The following AGAP1 variants were observed in gnomAD, a reference collection of about 807,000 sequenced individuals.
The protein encoded by AGAP1 is ArfGAP with GTPase domain, ankyrin repeat and PH domain 1.
AGAP1 carries 29 observed loss-of-function variants against 105.3 expected under a neutral mutation model. That is an observed-to-expected ratio of 0.28 (90% confidence interval 0.21 to 0.38). The LOEUF is 0.38. Among genes scored for constraint, AGAP1 ranks in the 10% least tolerant of loss-of-function variants. AGAP1 has a pLI of 1.00. For missense variants in AGAP1, 998 were observed against 1,165.1 expected (o/e 0.86, Z 2.09); for synonymous variants, 509 against 485.9 (o/e 1.05, Z -0.63).
chr2:235,601,529 C>T lies in AGAP1; in HGVS notation c.163+106680C>T, dbSNP rs1028623322. 4.6e-5 allele frequency among the ~76,000 whole-genome samples: 7 copies of T among 152,248 alleles called. No individual in the cohort carries two copies. Among genetic ancestry groups the T allele is most frequent in the African/African-American group, 1.7e-4 (7 of 41,552 alleles). On this transcript the variant is annotated intron_variant, in intron 1 of 17. Coordinates refer to ENST00000304032, the MANE Select transcript of AGAP1 (RefSeq NM_001037131.3). The surrounding 1 kb of genome is among the most constrained non-coding windows in gnomAD (Gnocchi z 4.4). ...TCTAACATGGGGGCAGGCAAGAGAG[C>T]TTGCTCAGGCGAACTCCCGTTTATA...
At position 235,566,478 on chromosome 2, in the gene AGAP1, T is replaced by G; in HGVS notation, c.163+71629T>G. 1.4e-6 allele frequency: 1 copy of G among 698,552 alleles called. No individual in the cohort carries two copies. The highest frequency in any genetic ancestry group is 1.9e-5 in the African/African-American group (1 of 51,474). 43.3% of individuals were successfully genotyped at this position (698,552 alleles called of 1,614,324 possible). A position where few individuals can be genotyped will look rare whatever the true frequency, so the allele number is the denominator to read the frequency against. ...AATATTGATTTACTGTTTTGTTTTT[T>G]TATTTCCAGATAAGCATTCATAAAC... On this transcript the variant is annotated intron_variant, in intron 1 of 17. Coordinates refer to ENST00000304032, the MANE Select transcript of AGAP1 (RefSeq NM_001037131.3). The surrounding 1 kb of genome is among the most constrained non-coding windows in gnomAD (Gnocchi z 5.2).
chr2:235,693,295 CTCAA>C, intron 1 of AGAP1, among the ~76,000 whole-genome samples: 1 of 152,138 alleles, frequency 6.6e-6, no homozygotes, highest in Non-Finnish European at 1.5e-5. Flanking sequence ...TGGGGTAGTA[CTCAA>C]AGCTATCCCC....
intron 1 of AGAP1, among the ~76,000 whole-genome samples, chr2:235,688,922 T>C (rs1239952002): frequency 1.3e-5 from 2 of 152,274 alleles, no homozygotes; most frequent in Non-Finnish European, 2.9e-5. Context: ...AGTAACGCAA[T>C]TGCAGCAGCA....
rs140287917 is a variant in AGAP1 at position 235,723,496 on chromosome 2, T to C, written c.310+5852T>C. On this transcript the variant is annotated intron_variant, in intron 3 of 17. Transcript: ENST00000304032. The surrounding 1 kb of genome is among the most constrained non-coding windows in gnomAD (Gnocchi z 6.2). ...GAGAGTGTGGCGTCCTCCTGAGATC[T>C]TTTCAGGTTGCAGAACTGAGTCATT... Among the ~76,000 whole-genome samples, 541 of 152,298 alleles carry C rather than the reference T, an allele frequency of 3.6e-3. 6 individuals are homozygous for C. Among genetic ancestry groups the C allele is most frequent in the Non-Finnish European group, 6.4e-3 (437 of 68,018 alleles).
At chr2:235,579,772 T>G (rs1944867052) in intron 1 of AGAP1, among the ~76,000 whole-genome samples, 1 of 148,398 alleles carries the variant, frequency 6.7e-6, no homozygotes, top group African/African-American at 2.5e-5. Flanking sequence ...CGAGACTCCA[T>G]CTCAAAAAAA....
chr2:235,766,438 G>T (rs2696387), intron 6 of AGAP1, among the ~76,000 whole-genome samples: 42,606 of 152,050 alleles, frequency 0.28, 6,291 homozygotes, highest in Admixed American at 0.41. Context: ...CTGCGCAAAT[G>T]TTTTCCTTTT....
rs1187641751 is a variant in AGAP1, at chr2:235,622,341, G to T, written c.164-86838G>T. On this transcript the variant is annotated intron_variant, in intron 1 of 17. Coordinates refer to ENST00000304032, the MANE Select transcript of AGAP1 (RefSeq NM_001037131.3). The surrounding 1 kb of genome is among the most constrained non-coding windows in gnomAD (Gnocchi z 5.0). ...CCTGAGATGTGACTCTGGACAGCCA[G>T]TGGTCTGTAGCATTCTCATCCTTCA... Among the ~76,000 whole-genome samples, 1 of 152,180 alleles carries T rather than the reference G, an allele frequency of 6.6e-6. No individual in the cohort carries two copies.
chr2:235,763,939 C>T (rs1014024270), intron 6 of AGAP1, among the ~76,000 whole-genome samples: 4 of 152,054 alleles, frequency 2.6e-5, no homozygotes, highest in Non-Finnish European at 2.9e-5. Context: ...TGGGAGCAGC[C>T]GTGCTCCCCA....
At chr2:235,762,995 G>C (rs938492) in intron 6 of AGAP1, among the ~76,000 whole-genome samples, 42,455 of 151,832 alleles carry the variant, frequency 0.28, 6,252 homozygotes, top group Admixed American at 0.41. Flanking sequence ...AAAAACCACT[G>C]ACAACACTGC....
intron 1 of AGAP1, among the ~76,000 whole-genome samples, chr2:235,667,142 C>CA (rs1394099496): frequency 1.3e-5 from 2 of 152,144 alleles, no homozygotes; most frequent in Non-Finnish European, 1.5e-5. Context: ...GGGATTATCG[C>CA]GAAGCTTTTC....
intron 1 of AGAP1, chr2:235,506,889 T>C (rs1253198633): frequency 6.6e-6 from 1 of 152,400 alleles, no homozygotes; most frequent in Non-Finnish European, 1.5e-5. Flanking sequence ...GCCCACAGGG[T>C]ATGGGCAAGG....
At chr2:235,641,577 A>G (rs908878708) in intron 1 of AGAP1, among the ~76,000 whole-genome samples, 1 of 152,110 alleles carries the variant, frequency 6.6e-6, no homozygotes, top group African/African-American at 2.4e-5. Flanking sequence ...TCTCCCGCCC[A>G]CGCGGCTGTG....
intron 16 of AGAP1, among the ~76,000 whole-genome samples, chr2:236,069,586 G>C (rs576779960): frequency 6.6e-6 from 1 of 152,286 alleles, no homozygotes; most frequent in South Asian, 2.1e-4. Flanking sequence ...ACCACGCCTG[G>C]CTAACTTTTG....
Position 235,801,371 on chromosome 2 carries a change from C to G in AGAP1, c.957+1849C>G, listed in dbSNP as rs998770877. ...CCATGGTTTTCTCACTCCATTGATG[C>G]TATAAAATGATTTCTGATCGTGTTA... On this transcript the variant is annotated intron_variant, in intron 8 of 17. Coordinates refer to ENST00000304032, the MANE Select transcript of AGAP1 (RefSeq NM_001037131.3). This position sits in a 1 kb window ranked among gnomAD's most constrained non-coding sequence, Gnocchi z 6.0. Among the ~76,000 whole-genome samples, 1 of 152,136 alleles carries G rather than the reference C, an allele frequency of 6.6e-6. No individual in the cohort carries two copies. Among genetic ancestry groups the G allele is most frequent in the East Asian group, 1.9e-4 (1 of 5,192 alleles).
intron 12 of AGAP1, among the ~76,000 whole-genome samples, chr2:235,938,285 C>T (rs2053086417): frequency 3.9e-5 from 6 of 152,332 alleles, no homozygotes; most frequent in Admixed American, 3.9e-4. Context: ...GCAGTTGGGC[C>T]TATCGCAGCA....
chr2:235,738,008 C>T (rs999630573), intron 3 of AGAP1, among the ~76,000 whole-genome samples: 2 of 152,014 alleles, frequency 1.3e-5, no homozygotes, highest in African/African-American at 2.4e-5. Flanking sequence ...GGGCACTCAG[C>T]GTCCGGAGGG....
In AGAP1 at chr2:235,769,804, T is replaced by G. The variant is rs1955273255; in HGVS notation, c.673+19316T>G. On this transcript the variant is annotated intron_variant, in intron 6 of 17. Coordinates refer to ENST00000304032, the MANE Select transcript of AGAP1 (RefSeq NM_001037131.3). The surrounding 1 kb of genome is among the most constrained non-coding windows in gnomAD (Gnocchi z 4.4). Reference sequence around the variant, plus strand: ...AGGCGACGCTCCGAGGCAGCCTGGCTTGTGTTAGCTGAGTTCTGCTTTGGC... The same window carrying G: ...AGGCGACGCTCCGAGGCAGCCTGGCGTGTGTTAGCTGAGTTCTGCTTTGGC... Among the ~76,000 whole-genome samples the G allele has an allele frequency of 6.6e-6, 1 of 152,194 alleles. No individual in the cohort carries two copies. The highest frequency in any genetic ancestry group is 2.4e-5 in the African/African-American group (1 of 41,452).
chr2:235,520,794 G>A (rs1475367542), intron 1 of AGAP1, among the ~76,000 whole-genome samples: 4 of 152,086 alleles, frequency 2.6e-5, no homozygotes, highest in Admixed American at 6.6e-5. Flanking sequence ...AGTAGACTCC[G>A]TTTAAAATTG....
intron 9 of AGAP1, among the ~76,000 whole-genome samples, chr2:235,844,086 G>T (rs2106409559): frequency 6.6e-6 from 1 of 152,308 alleles, no homozygotes; most frequent in South Asian, 2.1e-4. Context: ...CACTGCTAAT[G>T]AAGTCTTTCC....
Sources: gnomAD v4.1 joint callset for allele counts (sites outside exome capture counted in the v4.1 genomes callset) on GRCh38, gnomAD v4.1.1 for gene constraint, Gnocchi (gnomAD v3.1) non-coding constraint, MANE v1.5 for transcripts, NCBI Gene and HGNC (gene_info 2026-07-23, HGNC 2026-07-21) for gene names.